Variants in THADA observed in about 807,000 individuals in gnomAD.
THADA encodes the protein tRNA (32-2'-O)-methyltransferase regulator THADA.
Under a neutral mutation model 219.8 loss-of-function variants are expected in THADA, and 213 were observed. The observed-to-expected ratio is 0.97, with a 90% CI of 0.87 to 1.09. THADA has a LOEUF of 1.09. Among genes scored for constraint, THADA ranks in the 50% least tolerant of loss-of-function variants. THADA has a pLI of 0.00. For synonymous variants in THADA, 1,018 were observed against 828.9 expected (o/e 1.23, Z -3.92); for missense variants, 2,956 against 2,311.3 (o/e 1.28, Z -5.72).
chr2:43,345,028 C>T (rs941485070), intron 29 of THADA, among the ~76,000 whole-genome samples: 5 of 152,248 alleles, frequency 3.3e-5, no homozygotes, highest in African/African-American at 9.6e-5. Flanking sequence ...ATCCTTCAGT[C>T]TCCAGCCTCC....
At position 43,570,471 on chromosome 2, in the gene THADA, T is replaced by G. The variant is rs1699169100; in HGVS notation, c.2104A>C (p.Lys702Gln). The G allele has an allele frequency of 2.6e-5, 42 of 1,613,132 alleles. No homozygotes were observed. The highest frequency in any genetic ancestry group is 3.4e-5 in the Non-Finnish European group (40 of 1,179,658). ...RIQESSQVLYKLEQSKSKREP... is the reference protein window; with the variant it reads ...RIQESSQVLYQLEQSKSKREP... The stretch of plus-strand genomic sequence containing the variant: ...CGTTTGGATTTACTCTGCTCCAATT[T>G]ATAAAGTACCTGAGAACTTTCCTGT... Residue 702 changes from lysine to glutamine, a missense_variant, in exon 14 of 38, where the codon AAA becomes CAA. By Grantham distance (53) the Lys-to-Gln change is moderately conservative. Coordinates refer to ENST00000405975, the MANE Select transcript of THADA (RefSeq NM_022065.5).
intron 19 of THADA, among the ~76,000 whole-genome samples, chr2:43,551,421 G>A (rs1189624896): frequency 6.6e-6 from 1 of 151,992 alleles, no homozygotes; most frequent in Admixed American, 6.6e-5. Flanking sequence ...AAATACAGAT[G>A]CTCCAATAAG....
chr2:43,533,606 T>C (rs1418108553), intron 21 of THADA, among the ~76,000 whole-genome samples: 1 of 152,196 alleles, frequency 6.6e-6, no homozygotes, highest in African/African-American at 2.4e-5. Context: ...TGGATGAAGC[T>C]GGAAGCCATC....
intron 31 of THADA, among the ~76,000 whole-genome samples, chr2:43,301,706 T>A (rs139342566): frequency 1.3e-5 from 2 of 152,186 alleles, no homozygotes; most frequent in African/African-American, 4.8e-5. Flanking sequence ...AAAATACTCA[T>A]GTCAGGGGAC....
chr2:43,545,150 C>G (rs903387272), intron 20 of THADA, among the ~76,000 whole-genome samples: 202 of 152,002 alleles, frequency 1.3e-3, no homozygotes, highest in African/African-American at 4.3e-3. Flanking sequence ...TTTTGTCTTT[C>G]GTTCTGTTTA....
chr2:43,244,846 C>T (rs149042408), intron 36 of THADA, among the ~76,000 whole-genome samples: 3 of 152,324 alleles, frequency 2.0e-5, no homozygotes, highest in African/African-American at 7.2e-5. Flanking sequence ...TGGTAAGTGC[C>T]TTGCACTTCA....
intron 8 of THADA, among the ~76,000 whole-genome samples, chr2:43,580,935 A>T (rs745840806): frequency 6.6e-6 from 1 of 152,054 alleles, no homozygotes; most frequent in East Asian, 1.9e-4. Context: ...TCTTCCAATC[A>T]GCCTAGCAAA....
chr2:43,256,042 G>C (rs1269950739), intron 36 of THADA, among the ~76,000 whole-genome samples: 1 of 152,174 alleles, frequency 6.6e-6, no homozygotes, highest in East Asian at 1.9e-4. Flanking sequence ...ATGTCAAGGG[G>C]CACATAACTA....
At position 43,354,205 on chromosome 2, in the gene THADA, C is replaced by T. The variant is rs974323576; in HGVS notation, c.4228-9968G>A. Among the ~76,000 whole-genome samples the T allele has an allele frequency of 7.9e-5, 12 of 152,188 alleles. No individual in the cohort carries two copies. In the East Asian group the frequency reaches 2.3e-3, roughly 29 times the overall value. On this transcript the variant is annotated intron_variant, in intron 29 of 37. Transcript: ENST00000405975. The stretch of plus-strand genomic sequence containing the variant: ...TCCTGACCTCAAGTGATCCACCCGC[C>T]TTGGCCTCCCAAAGTGTTGGAATTA...
intron 26 of THADA, among the ~76,000 whole-genome samples, chr2:43,439,519 A>G (rs1680579951): frequency 6.6e-6 from 1 of 152,226 alleles, no homozygotes; most frequent in Non-Finnish European, 1.5e-5. Context: ...AACTCTTATC[A>G]GATCAACTGT....
chr2:43,377,011 C>T (rs1671456407), intron 29 of THADA, among the ~76,000 whole-genome samples: 1 of 152,184 alleles, frequency 6.6e-6, no homozygotes, highest in Non-Finnish European at 1.5e-5. Flanking sequence ...ACACGGCTCA[C>T]AGGCCACCCA....
chr2:43,252,541 A>G (rs942574773), intron 36 of THADA, among the ~76,000 whole-genome samples: 4 of 152,176 alleles, frequency 2.6e-5, no homozygotes, highest in African/African-American at 9.7e-5. Flanking sequence ...TATGGCTCCC[A>G]CATCATATGG....
intron 24 of THADA, among the ~76,000 whole-genome samples, chr2:43,501,507 ATTGAGT>A (rs1688972614): frequency 6.6e-6 from 1 of 152,146 alleles, no homozygotes; most frequent in African/African-American, 2.4e-5. Context: ...AGGGCTTTTT[ATTGAGT>A]TTAACAAGCT....
intron 26 of THADA, among the ~76,000 whole-genome samples, chr2:43,430,915 A>G (rs913464686): frequency 2.6e-5 from 4 of 152,228 alleles, no homozygotes; most frequent in East Asian, 1.9e-4. Context: ...ACTGGTTTGG[A>G]GTATGGTTAT....
rs752764775 is a variant in THADA, at chr2:43,566,763, T to C, written c.2246A>G (p.Tyr749Cys). ...LFEALFPGSS[Y>C]STRFSALTIL... The stretch of plus-strand genomic sequence containing the variant: ...GGTTAAAGCTGAAAATCTAGTCGAG[T>C]AGGAAGATCCAGGAAACAATGCTTC... Residue 749 changes from tyrosine (Y) to cysteine (C), a missense_variant, in exon 15 of 38, where the codon TAC (tyrosine) becomes TGC (cysteine). Transcript: ENST00000405975. 3.4e-5 allele frequency: 53 copies of C among 1,569,478 alleles called. No individual in the cohort carries two copies. The highest frequency in any genetic ancestry group is 4.2e-5 in the Non-Finnish European group (49 of 1,165,448).
intron 26 of THADA, among the ~76,000 whole-genome samples, chr2:43,472,646 C>A (rs1219878745): frequency 6.6e-6 from 1 of 152,134 alleles, no homozygotes; most frequent in Admixed American, 6.5e-5. Context: ...CCAAATACAG[C>A]CACCTGTCAC....
At chr2:43,566,860 G>T (rs557945745) in intron 14 of THADA, 39 bp from the exon 15 acceptor site, 12 of 1,356,062 alleles carry the variant, frequency 8.8e-6, no homozygotes, top group South Asian at 1.7e-5. Flanking sequence ...GTATAATTAC[G>T]TCACAATAGG....
At chr2:43,544,892 G>C (rs1384203995) in intron 20 of THADA, among the ~76,000 whole-genome samples, 1 of 149,644 alleles carries the variant, frequency 6.7e-6, no homozygotes, top group Non-Finnish European at 1.5e-5. Context: ...AATTGCCCTG[G>C]CCAGAACTTC....
rs1489579448 is a variant in THADA at position 43,320,471 on chromosome 2, G to A, written c.4413C>T (p.Asn1471=). 3.1e-6 allele frequency: 5 copies of A among 1,613,268 alleles called. No individual in the cohort carries two copies. In the Admixed American group the frequency reaches 5.0e-5, roughly 16 times the overall value. The change falls in exon 31 of 38, where the codon AAC becomes AAT. Residue 1471 remains asparagine (N), a synonymous_variant. Transcript: ENST00000405975. ...CTGGCTGGTTGTCCTTTGCAGATCT[G>A]TTGAGGCAGCAAGTCAATAGGAAGA... The part of the protein sequence containing the change: ...DILFLLTCCL[N]RSAKDNQPVL...
Sources: allele counts gnomAD v4.1 joint callset (sites outside exome capture counted in the v4.1 genomes callset), GRCh38; gene constraint gnomAD v4.1.1; transcripts MANE v1.5; gene names NCBI Gene and HGNC (gene_info 2026-07-23, HGNC 2026-07-21).